Variants in HS3ST5 observed in about 807,000 individuals in gnomAD.
The protein encoded by HS3ST5 is heparan sulfate-glucosamine 3-sulfotransferase 5, also known as heparan sulfate glucosamine 3-O-sulfotransferase 5.
A neutral mutation model predicts 25.4 loss-of-function variants in HS3ST5; 10 were observed. The ratio of observed to expected loss-of-function variants is 0.39; its 90% CI spans 0.24 to 0.67. The LOEUF (loss-of-function observed/expected upper bound fraction) is 0.67, where lower values mean the gene tolerates loss of function less well. HS3ST5 is among the 30% of genes least tolerant of loss of function. HS3ST5 has a pLI of 0.44. For synonymous variants in HS3ST5, 170 were observed against 162.4 expected (o/e 1.05, Z -0.36); for missense variants, 324 against 420.7 (o/e 0.77, Z 2.01).
At chr6:114,139,621 T>C (rs1239898066) in intron 3 of HS3ST5, among the ~76,000 whole-genome samples, 1 of 152,190 alleles carries the variant, frequency 6.6e-6, no homozygotes, top group Non-Finnish European at 1.5e-5. Context: ...CTATTACTTA[T>C]TTAATACATG....
chr6:114,155,971 GA>G (rs1778679767), intron 3 of HS3ST5, among the ~76,000 whole-genome samples: 1 of 152,022 alleles, frequency 6.6e-6, no homozygotes, highest in Non-Finnish European at 1.5e-5. Context: ...CAGCCACCAG[GA>G]AAAAAACAAA....
At chr6:114,341,200 GA>G in intron 1 of HS3ST5, among the ~76,000 whole-genome samples, 5 of 132,024 alleles carry the variant, frequency 3.8e-5, no homozygotes, top group Non-Finnish European at 8.1e-5. Flanking sequence ...GAGGGAGAGG[GA>G]GAGGGAATAG....
intron 2 of HS3ST5, among the ~76,000 whole-genome samples, chr6:114,207,765 T>C (rs1397470567): frequency 6.6e-6 from 1 of 152,200 alleles, no homozygotes; most frequent in Admixed American, 6.6e-5. Flanking sequence ...TGCTGTATTA[T>C]ATTGTACTAT....
chr6:114,137,107 C>T (rs1028624430), intron 3 of HS3ST5, among the ~76,000 whole-genome samples: 13 of 152,028 alleles, frequency 8.6e-5, no homozygotes, highest in South Asian at 2.1e-4. Context: ...AATCTTGTTT[C>T]GATGACTTTC....
At chr6:114,091,452 C>T (rs908983045) in intron 3 of HS3ST5, among the ~76,000 whole-genome samples, 5 of 151,784 alleles carry the variant, frequency 3.3e-5, no homozygotes, top group Admixed American at 6.6e-5. Context: ...CCGAGGCGGG[C>T]AGATCACCAG....
intron 2 of HS3ST5, among the ~76,000 whole-genome samples, chr6:114,223,941 ATTTGCTGAACAAAC>A (rs1782159886): frequency 6.6e-6 from 1 of 151,654 alleles, no homozygotes; most frequent in South Asian, 2.1e-4. Flanking sequence ...TCAGAAGTTT[ATTTGCTGAACAAAC>A]TTCTATGGTA....
chr6:114,160,151 T>C (rs1485981130), intron 3 of HS3ST5, among the ~76,000 whole-genome samples: 1 of 152,194 alleles, frequency 6.6e-6, no homozygotes, highest in African/African-American at 2.4e-5. Context: ...AGTTGTATGA[T>C]GCCTGGCAGC....
chr6:114,222,446 G>C (rs958045512), intron 2 of HS3ST5, among the ~76,000 whole-genome samples: 13 of 151,810 alleles, frequency 8.6e-5, no homozygotes, highest in African/African-American at 2.7e-4. Context: ...AATGTATATA[G>C]GAATGGGTCT....
At chr6:114,264,148 G>T (rs1180869813) in intron 1 of HS3ST5, among the ~76,000 whole-genome samples, 3 of 152,108 alleles carry the variant, frequency 2.0e-5, no homozygotes, top group Non-Finnish European at 4.4e-5. Context: ...AAAAATAAAT[G>T]TAGAGCCACA....
chr6:114,311,315 C>T (rs536725081), intron 1 of HS3ST5, among the ~76,000 whole-genome samples: 1 of 152,108 alleles, frequency 6.6e-6, no homozygotes, highest in South Asian at 2.1e-4. Context: ...CCATTTTGGT[C>T]CTTGTGATTG....
At chr6:114,202,431 C>A (rs1017866170) in intron 2 of HS3ST5, among the ~76,000 whole-genome samples, 1 of 152,106 alleles carries the variant, frequency 6.6e-6, no homozygotes, top group South Asian at 2.1e-4. Context: ...AATATAAGTA[C>A]CATGAAGGCA....
chr6:114,260,050 A>G (rs1321619363), intron 1 of HS3ST5, among the ~76,000 whole-genome samples: 1 of 152,204 alleles, frequency 6.6e-6, no homozygotes, highest in Non-Finnish European at 1.5e-5. Context: ...TAATAATCCA[A>G]AATGCCACAT....
chr6:114,299,334 C>T (rs976868771), intron 1 of HS3ST5, among the ~76,000 whole-genome samples: 6 of 152,210 alleles, frequency 3.9e-5, no homozygotes, highest in African/African-American at 1.2e-4. Flanking sequence ...TTATCAATGA[C>T]AATGGTGCCC....
chr6:114,240,171 TC>T (rs1772046025), intron 1 of HS3ST5, among the ~76,000 whole-genome samples: 1 of 152,174 alleles, frequency 6.6e-6, no homozygotes, highest in Non-Finnish European at 1.5e-5. Flanking sequence ...TTGCCAAACT[TC>T]CCATTCTATA....
chr6:114,091,578 G>A lies in HS3ST5; in HGVS notation c.-32-28701C>T, dbSNP rs145016579. On this transcript the variant is annotated intron_variant, in intron 3 of 4. Coordinates refer to ENST00000312719, the MANE Select transcript of HS3ST5 (RefSeq NM_153612.4). ...GGGCACCTGTAGTCCCAGCTACTCCGGAGGCTGAGGCAGGAGAATGGCATG... is the reference window on the plus strand; with the variant it reads ...GGGCACCTGTAGTCCCAGCTACTCCAGAGGCTGAGGCAGGAGAATGGCATG... 6.8e-3 allele frequency among the ~76,000 whole-genome samples: 1,034 copies of A among 152,078 alleles called. 17 individuals are homozygous for A. Among genetic ancestry groups the A allele is most frequent in the African/African-American group, 0.024 (987 of 41,468 alleles).
intron 1 of HS3ST5, among the ~76,000 whole-genome samples, chr6:114,274,752 C>T (rs1773777464): frequency 6.6e-6 from 1 of 151,998 alleles, no homozygotes; most frequent in Non-Finnish European, 1.5e-5. Context: ...AGAGTGGTTG[C>T]AGCAAGGTGA....
At chr6:114,096,502 G>C (rs1775433921) in intron 3 of HS3ST5, among the ~76,000 whole-genome samples, 2 of 152,088 alleles carry the variant, frequency 1.3e-5, no homozygotes, top group Admixed American at 1.3e-4. Flanking sequence ...AAGGTTACCA[G>C]GTGAGAAAAA....
At chr6:114,232,528 T>C (rs572985821) in intron 1 of HS3ST5, among the ~76,000 whole-genome samples, 16 of 152,256 alleles carry the variant, frequency 1.1e-4, no homozygotes, top group Admixed American at 3.3e-4. Flanking sequence ...ACATGTGAAC[T>C]TCAACGTTTT....
rs80329057 is a variant in HS3ST5 at position 114,057,070 on chromosome 6, T to C, written c.*187A>G. On this transcript the variant is annotated 3_prime_UTR_variant, in exon 5 of 5. Transcript: ENST00000312719. Reference sequence around the variant, plus strand: ...AAAGATGCGACTATGCAGACAGCAATTTTTTTTTTTTCGTAAATTTTCAGT... The same window carrying C: ...AAAGATGCGACTATGCAGACAGCAACTTTTTTTTTTTCGTAAATTTTCAGT... The C allele has an allele frequency of 5.8e-5, 19 of 325,570 alleles. No homozygotes were observed. Among genetic ancestry groups the C allele is most frequent in the Non-Finnish European group, 1.0e-4 (19 of 182,102 alleles). The allele number at this position is 325,570 out of a possible 1,614,324, so 20.2% of individuals were successfully genotyped here. A position where few individuals can be genotyped will look rare whatever the true frequency, so the allele number is the denominator to read the frequency against.
Sources: allele counts gnomAD v4.1 joint callset (sites outside exome capture counted in the v4.1 genomes callset), GRCh38; gene constraint gnomAD v4.1.1; transcripts MANE v1.5; gene names NCBI Gene and HGNC (gene_info 2026-07-23, HGNC 2026-07-21).